The following MAN1A1 variants were observed in gnomAD, a reference collection of about 807,000 sequenced individuals.
MAN1A1 encodes the protein mannosyl-oligosaccharide 1,2-alpha-mannosidase IA.
A neutral mutation model predicts 70.8 loss-of-function variants in MAN1A1; 29 were observed. That is an observed-to-expected ratio of 0.41 (90% CI 0.31 to 0.56). The LOEUF (loss-of-function observed/expected upper bound fraction) is 0.56, where lower values mean the gene tolerates loss of function less well. MAN1A1 is among the 20% of genes least tolerant of loss of function. MAN1A1 has a pLI of 0.29. For synonymous variants in MAN1A1, 349 were observed against 330.1 expected, an observed-to-expected ratio of 1.06 and a Z score of -0.62; for missense variants, 747 against 841.3, an observed-to-expected ratio of 0.89 and a Z score of 1.39.
In MAN1A1 at chr6:119,186,740, C is replaced by T. The variant is rs147131893; in HGVS notation, c.1719+1665G>A. Among the ~76,000 whole-genome samples, 148 of 152,252 alleles carry T rather than the reference C, an allele frequency of 9.7e-4. 2 individuals are homozygous for T. The East Asian group carries it at 0.02, about 20-fold the overall frequency. On this transcript the variant is annotated intron_variant, in intron 11 of 12. Coordinates refer to ENST00000368468, the MANE Select transcript of MAN1A1 (RefSeq NM_005907.4). ...TGGAGGTGGGAGCTGCAAGCATATG[C>T]GGGGCTGCTGCTGAAACACAGGAGG... is the stretch of plus-strand genomic sequence containing the variant.
chr6:119,237,893 G>A (rs188895699), intron 6 of MAN1A1, among the ~76,000 whole-genome samples: 13 of 152,230 alleles, frequency 8.5e-5, no homozygotes, highest in Admixed American at 8.5e-4. Flanking sequence ...TAAAAAGATA[G>A]AGTTATATTC....
At chr6:119,202,076 T>G (rs1773728064) in intron 7 of MAN1A1, among the ~76,000 whole-genome samples, 1 of 152,180 alleles carries the variant, frequency 6.6e-6, no homozygotes, top group African/African-American at 2.4e-5. Flanking sequence ...GTATTTTTCT[T>G]TCAATAATAA....
intron 5 of MAN1A1, among the ~76,000 whole-genome samples, chr6:119,282,388 G>C (rs1776246453): frequency 6.6e-6 from 1 of 152,116 alleles, no homozygotes; most frequent in Non-Finnish European, 1.5e-5. Flanking sequence ...ATTCACTCTA[G>C]GACAAGAAAA....
At chr6:119,286,219 C>G (rs1341421034) in intron 5 of MAN1A1, among the ~76,000 whole-genome samples, 1 of 151,998 alleles carries the variant, frequency 6.6e-6, no homozygotes, top group African/African-American at 2.4e-5. Flanking sequence ...TGAAAGGTAA[C>G]CAGTCATATA....
chr6:119,296,696 A>G (rs1195584207), intron 4 of MAN1A1, among the ~76,000 whole-genome samples: 5 of 146,702 alleles, frequency 3.4e-5, no homozygotes, highest in Admixed American at 3.4e-4. Context: ...TATGCAAACA[A>G]TCTGGATCTT....
intron 5 of MAN1A1, among the ~76,000 whole-genome samples, chr6:119,262,918 C>T (rs1397061645): frequency 5.9e-5 from 9 of 152,168 alleles, no homozygotes. Flanking sequence ...ACGTTTGAAT[C>T]AGTGGGCTGG....
Position 119,236,575 on chromosome 6 carries a change from G to A in MAN1A1, c.992+11685C>T, listed in dbSNP as rs180672297. Among the ~76,000 whole-genome samples the A allele has an allele frequency of 1.3e-3, 192 of 152,158 alleles. 1 individual carries two copies. The highest frequency in any genetic ancestry group is 2.0e-3 in the Non-Finnish European group (136 of 67,996). On this transcript the variant is annotated intron_variant, in intron 6 of 12. Coordinates refer to ENST00000368468, the MANE Select transcript of MAN1A1 (RefSeq NM_005907.4). ...ACACAGAAATTAGCTAGGCGGGGTG[G>A]TGGGTGCCTATAATCCCAGCTACTC...
chr6:119,290,780 T>C lies in MAN1A1; in HGVS notation c.817-17A>G. 6 of 1,486,522 alleles carry C rather than the reference T, an allele frequency of 4.0e-6. No individual in the cohort carries two copies. Among genetic ancestry groups the C allele is most frequent in the Non-Finnish European group, 5.6e-6 (6 of 1,067,752 alleles). 92.1% of individuals were successfully genotyped at this position (1,486,522 alleles called of 1,614,324 possible). A position where few individuals can be genotyped will look rare whatever the true frequency, so the allele number is the denominator to read the frequency against. The stretch of plus-strand genomic sequence containing the variant: ...TTCAGCATTCTATGGAAAAAAAAAA[T>C]TCAAACATGATGATAGTACACAATT... On this transcript the variant is annotated splice_polypyrimidine_tract_variant and intron_variant, in intron 4 of 12. Transcript: ENST00000368468.
chr6:119,178,369 C>CT lies in MAN1A1; in HGVS notation c.*1449dup, dbSNP rs1168296480. ...TTTCAGCCTAATCCATGGGGTTGTA[C>CT]TGATCTTTCTGACCATTCTCGGCTG... On this transcript the variant is annotated 3_prime_UTR_variant, in exon 13 of 13. Coordinates refer to ENST00000368468, the MANE Select transcript of MAN1A1 (RefSeq NM_005907.4). 2.0e-5 allele frequency: 3 copies of CT among 152,056 alleles called. No individual in the cohort carries two copies. Among genetic ancestry groups the CT allele is most frequent in the African/African-American group, 7.2e-5 (3 of 41,436 alleles). The allele number at this position is 152,056 out of a possible 1,614,324, so 9.4% of individuals were successfully genotyped here.
rs1554209499 is a variant in MAN1A1 at position 119,260,976 on chromosome 6, G to GCTTTTTTTTTTTTTTTT, written c.898-12623_898-12622insAAAAAAAAAAAAAAAAG. On this transcript the variant is annotated intron_variant, in intron 5 of 12. Transcript: ENST00000368468. Reference sequence around the variant, plus strand: ...TATCTAAATGTCTTGTTTTTTTATTGTTTTTTTTTTTTTTTTTTTTGAGAT... The same window carrying GCTTTTTTTTTTTTTTTT: ...TATCTAAATGTCTTGTTTTTTTATTGCTTTTTTTTTTTTTTTTTTTTTTTTTTTTTTTTTTTTGAGAT... Among the ~76,000 whole-genome samples the GCTTTTTTTTTTTTTTTT allele has an allele frequency of 1.5e-4, 17 of 116,948 alleles. 1 individual carries two copies. Among genetic ancestry groups the GCTTTTTTTTTTTTTTTT allele is most frequent in the South Asian group, 2.6e-4 (1 of 3,850 alleles). 76.7% of individuals were successfully genotyped at this position (116,948 alleles called of 152,430 possible). A position where few individuals can be genotyped will look rare whatever the true frequency, so the allele number is the denominator to read the frequency against.
intron 5 of MAN1A1, among the ~76,000 whole-genome samples, chr6:119,274,450 G>A (rs1248073113): frequency 6.6e-6 from 1 of 152,186 alleles, no homozygotes; most frequent in Non-Finnish European, 1.5e-5. Context: ...GTATTGGTAA[G>A]CCTTCAAAAT....
At chr6:119,348,269 G>A (rs1773790185) in intron 2 of MAN1A1, among the ~76,000 whole-genome samples, 194 bp downstream of exon 2, 1 of 152,220 alleles carries the variant, frequency 6.6e-6, no homozygotes, top group African/African-American at 2.4e-5. Context: ...TTTGACCTTA[G>A]ATCTTACTGG....
intron 2 of MAN1A1, among the ~76,000 whole-genome samples, chr6:119,317,769 CTTAA>C (rs1772895049): frequency 6.6e-6 from 1 of 151,606 alleles, no homozygotes; most frequent in Non-Finnish European, 1.5e-5. Context: ...TCACTATTTT[CTTAA>C]TTAAAGGATT....
At chr6:119,285,331 C>G (rs184072758) in intron 5 of MAN1A1, among the ~76,000 whole-genome samples, 8 of 152,098 alleles carry the variant, frequency 5.3e-5, no homozygotes, top group Admixed American at 2.0e-4. Context: ...AGAACTCACT[C>G]ATTACCCTGG....
At chr6:119,206,614 ATG>A (rs1432870950) in intron 6 of MAN1A1, among the ~76,000 whole-genome samples, 3 of 152,240 alleles carry the variant, frequency 2.0e-5, no homozygotes, top group Admixed American at 2.0e-4. Flanking sequence ...GGCTCTGGGA[ATG>A]TGAGTCAGGT....
At chr6:119,235,478 G>A (rs142233548) in intron 6 of MAN1A1, among the ~76,000 whole-genome samples, 7 of 152,256 alleles carry the variant, frequency 4.6e-5, no homozygotes, top group Admixed American at 3.9e-4. Context: ...TTAATTCTAC[G>A]AAGACTGACA....
intron 9 of MAN1A1, among the ~76,000 whole-genome samples, chr6:119,191,624 C>A (rs1773443994): frequency 6.6e-6 from 1 of 152,118 alleles, no homozygotes; most frequent in Admixed American, 6.5e-5. Flanking sequence ...CCTTCAGAAT[C>A]GTAAGTGTCT....
At chr6:119,324,259 C>G (rs1773091274) in intron 2 of MAN1A1, among the ~76,000 whole-genome samples, 1 of 152,164 alleles carries the variant, frequency 6.6e-6, no homozygotes, top group South Asian at 2.1e-4. Flanking sequence ...TATTTTCTAA[C>G]AATTTTTTAA....
At chr6:119,279,606 CCT>C (rs35182840) in intron 5 of MAN1A1, among the ~76,000 whole-genome samples, 51,490 of 151,866 alleles carry the variant, frequency 0.34, 9,001 homozygotes, top group East Asian at 0.54. Flanking sequence ...CTCCTCTTCC[CCT>C]GAGTCTCAGC....
Sources: allele counts gnomAD v4.1 joint callset (sites outside exome capture counted in the v4.1 genomes callset), GRCh38; gene constraint gnomAD v4.1.1; transcripts MANE v1.5; gene names NCBI Gene and HGNC (gene_info 2026-07-23, HGNC 2026-07-21).